INPP5B: variants seen among roughly 807,000 people sequenced by gnomAD.
INPP5B encodes inositol polyphosphate-5-phosphatase B.
A neutral mutation model predicts 118.5 loss-of-function variants in INPP5B; 90 were observed. The observed-to-expected ratio is 0.76, with a 90% CI of 0.64 to 0.90. The LOEUF (loss-of-function observed/expected upper bound fraction) is 0.90. INPP5B is among the 40% of genes least tolerant of loss of function. The pLI, the probability that INPP5B is intolerant of heterozygous loss-of-function variation, is 0.00. For synonymous variants in INPP5B, 385 were observed against 418.9 expected (o/e 0.92, Z 0.99); for missense variants, 984 against 1,125.6 (o/e 0.87, Z 1.80).
chr1:37,907,063 T>C lies in INPP5B; in HGVS notation c.533-15609A>G, dbSNP rs1436482749. 6.6e-6 allele frequency among the ~76,000 whole-genome samples: 1 copy of C among 152,206 alleles called. No individual in the cohort carries two copies. Among genetic ancestry groups the C allele is most frequent in the Non-Finnish European group, 1.5e-5 (1 of 68,026 alleles). ...GATCAATATTCTAATTCTGGGCATA[T>C]ATTGGAATCAGCTAGCAATCCCATA... On this transcript the variant is annotated intron_variant, in intron 7 of 23. Transcript: ENST00000373024. The surrounding 1 kb of genome is among the most constrained non-coding windows in gnomAD (Gnocchi z 4.3).
In INPP5B at chr1:37,945,831, C is replaced by A; in HGVS notation, c.77G>T (p.Cys26Phe). 3 of 1,614,012 alleles carry A rather than the reference C, an allele frequency of 1.9e-6. No individual in the cohort carries two copies. Among genetic ancestry groups the A allele is most frequent in the Non-Finnish European group, 2.5e-6 (3 of 1,180,012 alleles). ...GCGGCTCTGCCGGCTGTCCCCCTCA[C>A]ACAGCACACCTTGCACCGCCTGCGG... The part of the protein sequence containing the change: ...YCVIAVQGVL[C>F]EGDSRQSRLL... Residue 26 changes from cysteine (C) to phenylalanine (F), a missense_variant, in exon 3 of 24, where the codon TGT becomes TTT. Around this residue, in one of 2 missense-constraint regions of INPP5B, gnomAD observed 350 missense variants for 334.6 expected, o/e 1.05. Transcript: ENST00000373024.
intron 7 of INPP5B, among the ~76,000 whole-genome samples, chr1:37,899,772 C>T (rs536212950): frequency 1.3e-5 from 2 of 150,098 alleles, no homozygotes; most frequent in East Asian, 2.0e-4. Flanking sequence ...TGAAGTGCAG[C>T]GGCACGATCT....
chr1:37,870,633 A>T (rs1041544479), intron 19 of INPP5B: 1 of 152,550 alleles, frequency 6.6e-6, no homozygotes, highest in African/African-American at 2.4e-5. Context: ...ACACAGTAAG[A>T]AGATGGCCCT....
chr1:37,892,344 G>C (rs186594849), intron 7 of INPP5B, among the ~76,000 whole-genome samples: 60 of 152,280 alleles, frequency 3.9e-4, no homozygotes, highest in Admixed American at 1.9e-3. Context: ...TGTCATTGTT[G>C]ACAAATTGCC....
intron 8 of INPP5B, among the ~76,000 whole-genome samples, chr1:37,890,147 G>C (rs1036335590): frequency 2.0e-5 from 3 of 152,126 alleles, no homozygotes; most frequent in African/African-American, 7.2e-5. Flanking sequence ...GGCCAAGGGA[G>C]GCAACTCACT....
At chr1:37,896,042 G>T (rs1255117254) in intron 7 of INPP5B, among the ~76,000 whole-genome samples, 36 of 149,228 alleles carry the variant, frequency 2.4e-4, no homozygotes, top group Non-Finnish European at 3.6e-4. Flanking sequence ...GTCTCTGCCC[G>T]GCCGCCATCC....
At chr1:37,915,292 TG>T (rs1319449445) in intron 7 of INPP5B, among the ~76,000 whole-genome samples, 1 of 152,212 alleles carries the variant, frequency 6.6e-6, no homozygotes, top group East Asian at 1.9e-4. Flanking sequence ...ACACATTACC[TG>T]TATCAAATAC....
chr1:37,893,553 A>G (rs1643910465), intron 7 of INPP5B, among the ~76,000 whole-genome samples: 1 of 152,116 alleles, frequency 6.6e-6, no homozygotes, highest in Admixed American at 6.6e-5. Flanking sequence ...GGTTACCAAC[A>G]TCTCCCCTGA....
chr1:37,921,430 C>G (rs746188896), intron 7 of INPP5B, among the ~76,000 whole-genome samples: 4 of 152,170 alleles, frequency 2.6e-5, no homozygotes, highest in African/African-American at 7.2e-5. Context: ...TGCCACCATC[C>G]CAAATTGTTT....
intron 7 of INPP5B, among the ~76,000 whole-genome samples, chr1:37,923,863 C>T (rs965227494): frequency 3.3e-5 from 5 of 151,700 alleles, no homozygotes; most frequent in Admixed American, 6.6e-5. Flanking sequence ...GCAACCTCTG[C>T]CTCCAGGGTT....
Position 37,899,964 on chromosome 1 carries a change from T to C in INPP5B, c.533-8510A>G, listed in dbSNP as rs149962946. Among the ~76,000 whole-genome samples, 1,076 of 152,242 alleles carry C rather than the reference T, an allele frequency of 7.1e-3. 9 individuals are homozygous for C. Among genetic ancestry groups the C allele is most frequent in the Non-Finnish European group, 9.6e-3 (655 of 68,024 alleles). On this transcript the variant is annotated intron_variant, in intron 7 of 23. Coordinates refer to ENST00000373024, the MANE Select transcript of INPP5B (RefSeq NM_005540.3). Reference sequence around the variant, plus strand: ...CTCCTGACTTCATGATCCGCCCGCCTTGGCCTCCCAGAGTGCTAGGATTAC... The same window carrying C: ...CTCCTGACTTCATGATCCGCCCGCCCTGGCCTCCCAGAGTGCTAGGATTAC...
chr1:37,916,542 G>A (rs1485744245), intron 7 of INPP5B, among the ~76,000 whole-genome samples: 1 of 151,096 alleles, frequency 6.6e-6, no homozygotes, highest in African/African-American at 2.4e-5. Flanking sequence ...TCAGCCTCCC[G>A]AGTAGCTGGG....
At position 37,907,179 on chromosome 1, in the gene INPP5B, G is replaced by A. The variant is rs1299179107; in HGVS notation, c.533-15725C>T. Among the ~76,000 whole-genome samples, 3 of 152,138 alleles carry A rather than the reference G, an allele frequency of 2.0e-5. No homozygotes were observed. Among genetic ancestry groups the A allele is most frequent in the Non-Finnish European group, 4.4e-5 (3 of 68,028 alleles). On this transcript the variant is annotated intron_variant, in intron 7 of 23. Transcript: ENST00000373024. The surrounding 1 kb of genome is among the most constrained non-coding windows in gnomAD (Gnocchi z 4.3). Reference sequence around the variant, plus strand: ...TTCACTTATTTTGCTTTACCGTTGTGGAATACATTGCTGTTGTACTCTTTG... The same window carrying A: ...TTCACTTATTTTGCTTTACCGTTGTAGAATACATTGCTGTTGTACTCTTTG...
intron 15 of INPP5B, among the ~76,000 whole-genome samples, chr1:37,879,064 G>A: frequency 6.6e-6 from 1 of 151,212 alleles, no homozygotes; most frequent in South Asian, 2.1e-4. Flanking sequence ...ATGAGGTCAA[G>A]AGATTGAGAC....
Position 37,931,893 on chromosome 1 carries a change from C to G in INPP5B, c.532+20G>C, listed in dbSNP as rs553527590. ...GGGCCTCCTCCAATCCCCACCGTTT[C>G]TTCCGGGACGGATACCTGCCTCCGC... On this transcript the variant is annotated intron_variant, in intron 7 of 23. Transcript: ENST00000373024. The G allele has an allele frequency of 1.2e-6, 2 of 1,613,970 alleles. No homozygotes were observed. The highest frequency in any genetic ancestry group is 2.2e-5 in the East Asian group (1 of 44,884).
chr1:37,883,890 G>A (rs1643360296), intron 13 of INPP5B: 9 of 972,018 alleles, frequency 9.3e-6, no homozygotes, highest in Non-Finnish European at 1.1e-5. Context: ...AGTGGCGTAT[G>A]TTATCATAAA....
chr1:37,933,554 AAAAG>A (rs2148669106), intron 6 of INPP5B, among the ~76,000 whole-genome samples: 2 of 151,228 alleles, frequency 1.3e-5, no homozygotes, highest in South Asian at 4.2e-4. Context: ...TCTCAAGAAA[AAAAG>A]AAAATACAAA....
At chr1:37,928,163 A>T (rs2148654638) in intron 7 of INPP5B, among the ~76,000 whole-genome samples, 1 of 152,094 alleles carries the variant, frequency 6.6e-6, no homozygotes, top group Non-Finnish European at 1.5e-5. Context: ...TCCTGCCGTG[A>T]ATCAAAAACA....
chr1:37,904,273 C>T (rs1026564707), intron 7 of INPP5B, among the ~76,000 whole-genome samples: 4 of 151,846 alleles, frequency 2.6e-5, no homozygotes, highest in Non-Finnish European at 4.4e-5. Flanking sequence ...TGCAGTGAGC[C>T]GAGATCGCAC....
Sources: allele counts gnomAD v4.1 joint callset (sites outside exome capture counted in the v4.1 genomes callset), GRCh38; gene constraint gnomAD v4.1.1; regional missense constraint gnomAD v4.1.1; non-coding constraint Gnocchi (gnomAD v3.1); transcripts MANE v1.5; gene names NCBI Gene and HGNC (gene_info 2026-07-23, HGNC 2026-07-21).